MAP2K1: variants seen among roughly 807,000 people sequenced by gnomAD.
MAP2K1 encodes mitogen-activated protein kinase kinase 1, also known as dual specificity mitogen-activated protein kinase kinase 1.
In MAP2K1, 16 loss-of-function variants were observed where a neutral mutation model predicts 46.3. That is an observed-to-expected ratio of 0.35 (90% CI 0.23 to 0.52). The LOEUF (loss-of-function observed/expected upper bound fraction) is 0.52, where lower values mean the gene tolerates loss of function less well. Ranked by LOEUF, MAP2K1 falls within the 20% of genes least tolerant of loss-of-function variation. The pLI is 0.94. For missense variants in MAP2K1, 263 were observed against 497.1 expected (o/e 0.53, Z 4.48); for synonymous variants, 183 against 185.6 (o/e 0.99, Z 0.11).
intron 5 of MAP2K1, among the ~76,000 whole-genome samples, chr15:66,462,637 T>TG (rs1446579433): frequency 6.6e-6 from 1 of 151,368 alleles, no homozygotes; most frequent in Non-Finnish European, 1.5e-5. Flanking sequence ...AAATAGCATA[T>TG]GTACTGACAT....
At position 66,477,256 on chromosome 15, in the gene MAP2K1, T is replaced by C. The variant is rs547423847; in HGVS notation, c.569-4499T>C. ...GGCTTGCTTGCCATGTGAATAGAGA[T>C]CAGATACAAGGACAGCTAGAGGCAG... On this transcript the variant is annotated intron_variant, in intron 5 of 10. Coordinates refer to ENST00000307102, the MANE Select transcript of MAP2K1 (RefSeq NM_002755.4). 8.5e-5 allele frequency among the ~76,000 whole-genome samples: 13 copies of C among 152,128 alleles called. No homozygotes were observed. The East Asian group carries it at 2.5e-3, about 29-fold the overall frequency.
rs573567338 is a variant in MAP2K1, at chr15:66,469,587, G to GCC, written c.569-12168_569-12167insCC. 3.1e-4 allele frequency among the ~76,000 whole-genome samples: 42 copies of GCC among 137,540 alleles called. 1 individual carries two copies. In the East Asian group the frequency reaches 7.8e-3, roughly 26 times the overall value. 90.2% of individuals were successfully genotyped at this position (137,540 alleles called of 152,430 possible). On this transcript the variant is annotated intron_variant, in intron 5 of 10. Transcript: ENST00000307102. ...GAAAGGAGAGAGAGCAGAAGTAAAT[G>GCC]AAGAAAACAGAATTCTGTCAACTGA...
chr15:66,435,106 C>G lies in MAP2K1; in HGVS notation c.160C>G (p.Leu54Val). The change falls in exon 2 of 11, where the codon CTT becomes GTT. Residue 54 changes from leucine (L) to valine (V), a missense_variant. Transcript: ENST00000307102. ...EQQRKRLEAFLTQKQKVGELK... is the reference protein window; with the variant it reads ...EQQRKRLEAFVTQKQKVGELK... ...GCAGCGAAAGCGCCTTGAGGCCTTT[C>G]TTACCCAGAAGCAGAAGGTGGGAGA... 6.2e-7 allele frequency: 1 copy of G among 1,614,124 alleles called. No homozygotes were observed.
At chr15:66,436,999 G>C (rs2093489965) in intron 3 of MAP2K1, 107 bp downstream of exon 3, 1 of 1,171,238 alleles carries the variant, frequency 8.5e-7, no homozygotes. Flanking sequence ...CTGCTCCTGG[G>C]ATCCACATCA....
At chr15:66,457,307 A>G (rs902500430) in intron 5 of MAP2K1, among the ~76,000 whole-genome samples, 23 of 152,014 alleles carry the variant, frequency 1.5e-4, no homozygotes, top group Non-Finnish European at 3.1e-4. Flanking sequence ...TCTAGTAGAG[A>G]CGGGGTTTCC....
At chr15:66,459,014 C>G (rs1019978897) in intron 5 of MAP2K1, among the ~76,000 whole-genome samples, 8 of 152,200 alleles carry the variant, frequency 5.3e-5, no homozygotes, top group Middle Eastern at 3.4e-3. Flanking sequence ...TCTGCAGAGC[C>G]TATATGAAAG....
intron 5 of MAP2K1, among the ~76,000 whole-genome samples, chr15:66,447,698 A>AAAAT (rs1891909271): frequency 6.6e-6 from 1 of 151,560 alleles, no homozygotes; most frequent in Non-Finnish European, 1.5e-5. Flanking sequence ...AAAAAAAAAA[A>AAAAT]AAAGTTTAAT....
intron 5 of MAP2K1, among the ~76,000 whole-genome samples, chr15:66,474,284 A>AGGCT (rs1431288131): frequency 1.8e-4 from 28 of 152,272 alleles, no homozygotes; most frequent in Non-Finnish European, 2.9e-5. Flanking sequence ...CATGCTCTGG[A>AGGCT]GGCTCCCTGT....
chr15:66,489,663 T>C (rs1893173688), intron 9 of MAP2K1, 55 bp from the exon 10 acceptor site: 5 of 1,346,208 alleles, frequency 3.7e-6, no homozygotes, highest in Admixed American at 3.4e-5. Flanking sequence ...AACATGTTAT[T>C]TGAGCTAGAA....
At chr15:66,416,809 A>G (rs977380950) in intron 1 of MAP2K1, among the ~76,000 whole-genome samples, 4 of 152,182 alleles carry the variant, frequency 2.6e-5, no homozygotes, top group African/African-American at 7.2e-5. Flanking sequence ...ACAGCAATAC[A>G]GGTAACTTAA....
intron 5 of MAP2K1, among the ~76,000 whole-genome samples, chr15:66,471,707 A>G (rs1892636337): frequency 6.6e-6 from 1 of 152,162 alleles, no homozygotes; most frequent in African/African-American, 2.4e-5. Context: ...ATAGAAATAC[A>G]GCTGGCCTGA....
At chr15:66,474,562 A>G (rs1305064695) in intron 5 of MAP2K1, among the ~76,000 whole-genome samples, 1 of 152,194 alleles carries the variant, frequency 6.6e-6, no homozygotes, top group African/African-American at 2.4e-5. Context: ...CAGCTCAATA[A>G]GGGCTCTTGT....
At chr15:66,478,458 G>GTATATA (rs377507737) in intron 5 of MAP2K1, among the ~76,000 whole-genome samples, 2 of 119,844 alleles carry the variant, frequency 1.7e-5, no homozygotes, top group African/African-American at 5.9e-5. Context: ...ATATATACAG[G>GTATATA]TATATATATA....
intron 5 of MAP2K1, among the ~76,000 whole-genome samples, chr15:66,464,713 C>G (rs1197621949): frequency 6.6e-6 from 1 of 151,336 alleles, no homozygotes; most frequent in Non-Finnish European, 1.5e-5. Flanking sequence ...TTAGTAGAGA[C>G]AGGGTTTCTC....
intron 5 of MAP2K1, among the ~76,000 whole-genome samples, chr15:66,447,694 A>AAG (rs1158853941): frequency 6.6e-6 from 1 of 151,560 alleles, no homozygotes; most frequent in East Asian, 1.9e-4. Flanking sequence ...CTCAAAAAAA[A>AAG]AAAAAAAGTT....
chr15:66,389,472 T>A (rs2140514541), intron 1 of MAP2K1, among the ~76,000 whole-genome samples: 1 of 152,012 alleles, frequency 6.6e-6, no homozygotes. Flanking sequence ...ACCCCAGATT[T>A]GGTGGCAGAA....
chr15:66,412,045 G>C (rs967148893), intron 1 of MAP2K1, among the ~76,000 whole-genome samples: 1 of 152,184 alleles, frequency 6.6e-6, no homozygotes, highest in African/African-American at 2.4e-5. Context: ...TTATACATTG[G>C]AGACAAATTA....
chr15:66,467,188 T>A (rs1357703886), intron 5 of MAP2K1, among the ~76,000 whole-genome samples: 1 of 151,914 alleles, frequency 6.6e-6, no homozygotes, highest in East Asian at 1.9e-4. Context: ...GAGCCAAGAT[T>A]GTGTCATTGC....
At chr15:66,487,317 C>G (rs751642721) in intron 8 of MAP2K1, 25 bp downstream of exon 8, 1 of 1,610,592 alleles carries the variant, frequency 6.2e-7, no homozygotes, top group Non-Finnish European at 8.5e-7. Context: ...GTTTCCTTCA[C>G]CTTGGAATTT....
Sources: allele counts gnomAD v4.1 joint callset (sites outside exome capture counted in the v4.1 genomes callset), GRCh38; gene constraint gnomAD v4.1.1; transcripts MANE v1.5; gene names NCBI Gene and HGNC (gene_info 2026-07-23, HGNC 2026-07-21).